Variants in KIF21A observed in about 807,000 individuals in gnomAD.
The protein encoded by KIF21A is kinesin family member 21A, also known as kinesin-like protein KIF21A.
Under a neutral mutation model 202.9 loss-of-function variants are expected in KIF21A, and 114 were observed. That is an observed-to-expected ratio of 0.56 (90% CI 0.48 to 0.66). The LOEUF is 0.66. Among genes scored for constraint, KIF21A ranks in the 30% least tolerant of loss-of-function variants. The pLI is 0.00. For missense variants in KIF21A, 1,677 were observed against 1,994.9 expected, an observed-to-expected ratio of 0.84 and a Z score of 3.04; for synonymous variants, 667 against 670.8, an observed-to-expected ratio of 0.99 and a Z score of 0.09.
intron 27 of KIF21A, among the ~76,000 whole-genome samples, 197 bp from the exon 28 acceptor site, chr12:39,320,210 T>C (rs1308215395): frequency 6.6e-6 from 1 of 152,186 alleles, no homozygotes; most frequent in Admixed American, 6.5e-5. Context: ...GCAACTATAA[T>C]TTTTAAATTG....
chr12:39,396,534 A>T (rs1385513198), intron 1 of KIF21A, among the ~76,000 whole-genome samples: 3 of 152,230 alleles, frequency 2.0e-5, no homozygotes, highest in Non-Finnish European at 4.4e-5. Context: ...CAGATAATGA[A>T]TTAAAATGGT....
intron 6 of KIF21A, among the ~76,000 whole-genome samples, 192 bp downstream of exon 6, chr12:39,366,158 A>C (rs989017683): frequency 6.6e-6 from 1 of 152,210 alleles, no homozygotes; most frequent in African/African-American, 2.4e-5. Flanking sequence ...GAAAATCTGT[A>C]ATATATAAAA....
chr12:39,434,067 A>G (rs940489379), intron 1 of KIF21A, among the ~76,000 whole-genome samples: 1 of 152,208 alleles, frequency 6.6e-6, no homozygotes, highest in African/African-American at 2.4e-5. Context: ...GTGCTATAAC[A>G]AAATACCACA....
chr12:39,378,716 A>G (rs1950418132), intron 1 of KIF21A, among the ~76,000 whole-genome samples: 1 of 152,208 alleles, frequency 6.6e-6, no homozygotes, highest in Non-Finnish European at 1.5e-5. Flanking sequence ...AAGGCAAAAA[A>G]TGTTTTAAAT....
At chr12:39,376,231 T>C (rs75468090) in intron 1 of KIF21A, among the ~76,000 whole-genome samples, 5,398 of 152,238 alleles carry the variant, frequency 0.035, 336 homozygotes, top group African/African-American at 0.12. Context: ...ACATACATTG[T>C]TATGCAAAGA....
Position 39,311,545 on chromosome 12 carries a change from A to T in KIF21A, c.3968T>A (p.Ile1323Asn). The T allele has an allele frequency of 6.2e-7, 1 of 1,612,868 alleles. No homozygotes were observed. Residue 1323 changes from isoleucine to asparagine, a missense_variant, in exon 32 of 38, where the codon ATC (isoleucine) becomes AAC (asparagine). Around this residue, in one of 3 missense-constraint regions of KIF21A, gnomAD observed 705 missense variants for 791.9 expected, o/e 0.89. Transcript: ENST00000361418. ...EVHRSSRRGI[I>N]NPFPASKGIR... ...TCCTTTTGAAGCAGGAAATGGGTTGATTATGCCCCTAAGGTGGGGAAAAAA... is the reference window on the plus strand; with the variant it reads ...TCCTTTTGAAGCAGGAAATGGGTTGTTTATGCCCCTAAGGTGGGGAAAAAA...
rs1449329398 is a variant in KIF21A at position 39,363,175 on chromosome 12, C to T, written c.942G>A (p.Lys314=). Residue 314 remains lysine, a synonymous_variant, in exon 7 of 38, where the codon AAG becomes AAA. Coordinates refer to ENST00000361418, the MANE Select transcript of KIF21A (RefSeq NM_001173464.2). The part of the protein sequence containing the change: ...LGNVISALGD[K]SKRATHVPYR... ...AGGGGACATGTGTGGCCCTCTTGCT[C>T]TTGTCTCCCAAGGCACTTATTACAT... The T allele has an allele frequency of 1.2e-6, 2 of 1,613,182 alleles. No homozygotes were observed. Among genetic ancestry groups the T allele is most frequent in the South Asian group, 2.2e-5 (2 of 90,976 alleles).
chr12:39,358,248 G>A lies in KIF21A; in HGVS notation c.1145C>T (p.Ala382Val). The A allele has an allele frequency of 1.9e-6, 3 of 1,614,032 alleles. No individual in the cohort carries two copies. The highest frequency in any genetic ancestry group is 1.1e-5 in the South Asian group (1 of 91,074). The change falls in exon 8 of 38, where the codon GCT becomes GTT. Residue 382 changes from alanine (A) to valine (V), a missense_variant. Physicochemically the swap from Ala to Val is moderately conservative, Grantham distance 64. Coordinates refer to ENST00000361418, the MANE Select transcript of KIF21A (RefSeq NM_001173464.2). ...KNKVMVNQDR[A>V]SQQINALRSE... is the part of the protein sequence containing the mutation. ...ACGAAGTGCATTGATTTGCTGACTA[G>A]CTCTGTCCTGATTGACCATCACCTT...
chr12:39,316,365 C>T (rs1028574559), intron 29 of KIF21A, among the ~76,000 whole-genome samples: 1 of 151,280 alleles, frequency 6.6e-6, no homozygotes, highest in Non-Finnish European at 1.5e-5. Context: ...ATTTTATTCA[C>T]CTTGATAATT....
chr12:39,345,829 T>G (rs1228964145), intron 12 of KIF21A, among the ~76,000 whole-genome samples: 3 of 152,028 alleles, frequency 2.0e-5, no homozygotes, highest in Non-Finnish European at 4.4e-5. Context: ...ATTCTAAATT[T>G]TGCTCGTTTC....
intron 1 of KIF21A, among the ~76,000 whole-genome samples, chr12:39,378,491 TAGAA>T (rs1379495137): frequency 6.6e-6 from 1 of 152,108 alleles, no homozygotes; most frequent in Non-Finnish European, 1.5e-5. Context: ...CTCCCGGAAA[TAGAA>T]AGCCTCTACT....
Position 39,367,145 on chromosome 12 carries a change from A to T in KIF21A, c.620T>A (p.Leu207Ter). ...GGCAGTTGTCCGGGATAAAGCACCC[A>T]ACTTCAAACACTGCATCATCTGAAA... ...TESEMMQCLK[L>*]GALSRTTAST... Residue 207 changes from leucine (L) to a stop codon, truncating the protein, a stop_gained, in exon 5 of 38, where the codon TTG (leucine) becomes TAG (stop). Coordinates refer to ENST00000361418, the MANE Select transcript of KIF21A (RefSeq NM_001173464.2). LOFTEE classifies it high-confidence loss of function. 1.2e-6 allele frequency: 2 copies of T among 1,613,992 alleles called. No homozygotes were observed. Among genetic ancestry groups the T allele is most frequent in the Non-Finnish European group, 1.7e-6 (2 of 1,179,912 alleles).
At chr12:39,408,683 A>C (rs1027909835) in intron 1 of KIF21A, among the ~76,000 whole-genome samples, 2 of 152,224 alleles carry the variant, frequency 1.3e-5, no homozygotes. Context: ...ATCCAATATG[A>C]AGCACAGAGA....
intron 1 of KIF21A, among the ~76,000 whole-genome samples, chr12:39,379,203 G>A (rs956870935): frequency 7.2e-5 from 11 of 151,778 alleles, no homozygotes; most frequent in African/African-American, 9.7e-5. Context: ...AGTGGTGGGC[G>A]CCTGTAGTCC....
Position 39,294,358 on chromosome 12 carries a change from A to C in KIF21A, c.*66T>G, listed in dbSNP as rs1362123544. 6.4e-6 allele frequency: 8 copies of C among 1,251,260 alleles called. No homozygotes were observed. Among genetic ancestry groups the C allele is most frequent in the Non-Finnish European group, 9.4e-6 (8 of 850,142 alleles). The allele number at this position is 1,251,260 out of a possible 1,614,324, so 77.5% of individuals were successfully genotyped here. ...CGTTTTGCCTAGTAAGTACAGGACAACATTTTCCATAAAGAATACAGAGTA... is the reference window on the plus strand; with the variant it reads ...CGTTTTGCCTAGTAAGTACAGGACACCATTTTCCATAAAGAATACAGAGTA... On this transcript the variant is annotated 3_prime_UTR_variant, in exon 38 of 38. Coordinates refer to ENST00000361418, the MANE Select transcript of KIF21A (RefSeq NM_001173464.2).
intron 36 of KIF21A, 39 bp from the exon 37 acceptor site, chr12:39,301,718 C>T (rs558076804): frequency 2.0e-6 from 3 of 1,517,680 alleles, no homozygotes; most frequent in South Asian, 1.1e-5. Flanking sequence ...TTAAGGAGAG[C>T]TTCCAAACTG....
chr12:39,322,917 C>A, intron 26 of KIF21A, 35 bp from the exon 27 acceptor site: 1 of 1,367,642 alleles, frequency 7.3e-7, no homozygotes, highest in South Asian at 1.7e-5. Flanking sequence ...CAATCAGGAG[C>A]AAACTCTTGC....
chr12:39,426,775 T>C (rs988001780), intron 1 of KIF21A, among the ~76,000 whole-genome samples: 2 of 150,554 alleles, frequency 1.3e-5, no homozygotes, highest in Admixed American at 6.6e-5. Context: ...TCCCAGCTAC[T>C]TGGGAGGCTG....
intron 37 of KIF21A, 57 bp from the exon 38 acceptor site, chr12:39,294,574 T>C (rs963749143): frequency 8.0e-7 from 1 of 1,254,118 alleles, no homozygotes. Context: ...GATAAAGAAA[T>C]AGCTCTTATA....
Sources: allele counts gnomAD v4.1 joint callset (sites outside exome capture counted in the v4.1 genomes callset), GRCh38; gene constraint gnomAD v4.1.1; regional missense constraint gnomAD v4.1.1; transcripts MANE v1.5; gene names NCBI Gene and HGNC (gene_info 2026-07-23, HGNC 2026-07-21).